Variants in PDLIM5 observed in about 807,000 individuals in gnomAD.
The protein encoded by PDLIM5 is PDZ and LIM domain 5, also known as PDZ and LIM domain protein 5.
A neutral mutation model predicts 64.2 loss-of-function variants in PDLIM5; 34 were observed. The observed-to-expected ratio is 0.53, with a 90% CI of 0.40 to 0.71. The LOEUF is 0.71. Ranked by LOEUF, PDLIM5 falls within the 30% of genes least tolerant of loss-of-function variation. The probability of loss-of-function intolerance (pLI) is 0.00; values close to 1 mark genes in which losing one functional copy is unlikely to be tolerated. For missense variants in PDLIM5, 683 were observed against 733.6 expected (o/e 0.93, Z 0.80); for synonymous variants, 253 against 269.1 (o/e 0.94, Z 0.59).
Position 94,663,111 on chromosome 4 carries a change from G to C in PDLIM5, c.1701+574G>C, listed in dbSNP as rs192207373. ...ATGGATTCAAATATTAAAATAAATAGTTTTTAAATGTAGGAAGTAAATATC... is the reference window on the plus strand; with the variant it reads ...ATGGATTCAAATATTAAAATAAATACTTTTTAAATGTAGGAAGTAAATATC... On this transcript the variant is annotated intron_variant, in intron 12 of 12. Transcript: ENST00000317968. Among the ~76,000 whole-genome samples, 346 of 152,270 alleles carry C rather than the reference G, an allele frequency of 2.3e-3. 1 individual carries two copies. The Middle Eastern group carries it at 0.024, about 10-fold the overall frequency.
intron 2 of PDLIM5, among the ~76,000 whole-genome samples, chr4:94,518,083 A>T (rs1054156805): frequency 1.2e-4 from 18 of 152,188 alleles, no homozygotes; most frequent in Non-Finnish European, 2.2e-4. Context: ...CAATTCTAAG[A>T]CATTGGAGTC....
intron 7 of PDLIM5, among the ~76,000 whole-genome samples, chr4:94,607,653 T>A (rs1302342906): frequency 6.6e-6 from 1 of 152,156 alleles, no homozygotes; most frequent in Admixed American, 6.5e-5. Context: ...AAACATTATA[T>A]AGTGGAAATA....
chr4:94,659,241 G>A (rs144786150), intron 11 of PDLIM5, among the ~76,000 whole-genome samples: 1 of 152,088 alleles, frequency 6.6e-6, no homozygotes, highest in Non-Finnish European at 1.5e-5. Context: ...GGCCATGTTG[G>A]ATTCTGCTTT....
intron 8 of PDLIM5, among the ~76,000 whole-genome samples, chr4:94,626,496 G>A (rs1384860474): frequency 1.3e-5 from 2 of 152,178 alleles, no homozygotes; most frequent in South Asian, 4.1e-4. Context: ...ATCAGTGAAC[G>A]TATTTAAGGA....
At chr4:94,498,861 T>A (rs1316852603) in intron 2 of PDLIM5, among the ~76,000 whole-genome samples, 1 of 152,238 alleles carries the variant, frequency 6.6e-6, no homozygotes, top group Non-Finnish European at 1.5e-5. Flanking sequence ...TTATAAAGCC[T>A]GTTTTACTTT....
At chr4:94,515,714 C>T (rs569615685) in intron 2 of PDLIM5, among the ~76,000 whole-genome samples, 12 of 152,198 alleles carry the variant, frequency 7.9e-5, no homozygotes, top group Non-Finnish European at 1.2e-4. Flanking sequence ...GAAGATTTGT[C>T]TCATCATTGA....
intron 11 of PDLIM5, among the ~76,000 whole-genome samples, chr4:94,659,693 A>C (rs977882145): frequency 6.6e-6 from 1 of 151,542 alleles, no homozygotes; most frequent in Non-Finnish European, 1.5e-5. Flanking sequence ...ACGCCTGGCT[A>C]ATTTTTTTGT....
rs933001024 is a variant in PDLIM5 at position 94,455,777 on chromosome 4, T to A, written c.96+393T>A. On this transcript the variant is annotated intron_variant, in intron 2 of 12. Transcript: ENST00000317968. ...AAAGCTGTTTGTTAAAAACTGTTGA[T>A]CAAAATTGAATAAAATGATTGTTTC... is the stretch of plus-strand genomic sequence containing the variant. The A allele has an allele frequency of 5.9e-6, 9 of 1,519,090 alleles. No homozygotes were observed. In the African/African-American group the frequency reaches 9.6e-5, roughly 16 times the overall value. The allele number at this position is 1,519,090 out of a possible 1,614,324, so 94.1% of individuals were successfully genotyped here.
chr4:94,504,943 A>G (rs1443711271), intron 2 of PDLIM5, among the ~76,000 whole-genome samples: 1 of 152,202 alleles, frequency 6.6e-6, no homozygotes, highest in Non-Finnish European at 1.5e-5. Flanking sequence ...AGACTTTCTA[A>G]ACCAAGTTTC....
intron 7 of PDLIM5, chr4:94,608,247 T>A: frequency 9.5e-7 from 1 of 1,055,150 alleles, no homozygotes; most frequent in Non-Finnish European, 1.3e-6. Flanking sequence ...CTAAACTGTT[T>A]GAAAAAGAAA....
chr4:94,631,515 G>A (rs1740146102), intron 8 of PDLIM5, among the ~76,000 whole-genome samples: 1 of 152,108 alleles, frequency 6.6e-6, no homozygotes, highest in Admixed American at 6.5e-5. Flanking sequence ...AATTAAAATA[G>A]CAGAAATAAA....
chr4:94,632,230 G>A (rs1295964454), intron 8 of PDLIM5, among the ~76,000 whole-genome samples: 1 of 152,240 alleles, frequency 6.6e-6, no homozygotes, highest in Non-Finnish European at 1.5e-5. Flanking sequence ...GGTAGAGCCA[G>A]TGCATTGTTT....
At chr4:94,531,248 T>A (rs1730843587) in intron 3 of PDLIM5, among the ~76,000 whole-genome samples, 1 of 152,216 alleles carries the variant, frequency 6.6e-6, no homozygotes, top group African/African-American at 2.4e-5. Flanking sequence ...TAAGTCTGAT[T>A]GATTATGTCC....
In PDLIM5 at chr4:94,501,988, AGGGG is replaced by A. The variant is rs1477610948; in HGVS notation, c.97-21735_97-21732del. ...CTGCAGAGATTTATAGAATGAAGAA[AGGGG>A]ACTTTGGGGGCTCTGCCTTTTCTGC... On this transcript the variant is annotated intron_variant, in intron 2 of 12. Coordinates refer to ENST00000317968, the MANE Select transcript of PDLIM5 (RefSeq NM_006457.5). 5.3e-3 allele frequency among the ~76,000 whole-genome samples: 807 copies of A among 152,314 alleles called. 3 individuals are homozygous for A. Among genetic ancestry groups the A allele is most frequent in the African/African-American group, 0.018 (748 of 41,564 alleles).
At chr4:94,511,162 CT>C (rs1285318604) in intron 2 of PDLIM5, among the ~76,000 whole-genome samples, 1 of 152,160 alleles carries the variant, frequency 6.6e-6, no homozygotes, top group African/African-American at 2.4e-5. Context: ...TAGAATTGGC[CT>C]CAGGTTTCCT....
At chr4:94,531,338 T>C (rs1181905820) in intron 3 of PDLIM5, among the ~76,000 whole-genome samples, 1 of 152,186 alleles carries the variant, frequency 6.6e-6, no homozygotes, top group Non-Finnish European at 1.5e-5. Context: ...TTGTGAATTT[T>C]TTTTTTCTTA....
At chr4:94,499,897 G>T (rs1051414032) in intron 2 of PDLIM5, among the ~76,000 whole-genome samples, 1 of 152,144 alleles carries the variant, frequency 6.6e-6, no homozygotes, top group Non-Finnish European at 1.5e-5. Context: ...AATGCCTGAT[G>T]ATCTGAGGTA....
chr4:94,649,141 A>G (rs896718409), intron 9 of PDLIM5, among the ~76,000 whole-genome samples: 2 of 151,790 alleles, frequency 1.3e-5, no homozygotes, highest in Non-Finnish European at 2.9e-5. Flanking sequence ...ATGCCCAGCT[A>G]ATTTTTGTAT....
intron 2 of PDLIM5, among the ~76,000 whole-genome samples, chr4:94,521,588 C>G (rs1053423257): frequency 2.7e-5 from 4 of 150,490 alleles, no homozygotes; most frequent in Non-Finnish European, 4.4e-5. Context: ...TTTTGAACGT[C>G]TTGAGATGAT....
Sources: gnomAD v4.1 joint callset for allele counts (sites outside exome capture counted in the v4.1 genomes callset) on GRCh38, gnomAD v4.1.1 for gene constraint, MANE v1.5 for transcripts, NCBI Gene and HGNC (gene_info 2026-07-23, HGNC 2026-07-21) for gene names.